Variants in DPP10 observed in about 807,000 individuals in gnomAD.
DPP10 encodes dipeptidyl peptidase like 10.
In DPP10, 33 loss-of-function variants were observed where a neutral mutation model predicts 120.9. The ratio of observed to expected loss-of-function variants is 0.27; its 90% CI spans 0.21 to 0.37. DPP10 has a LOEUF of 0.37. Among genes scored for constraint, DPP10 ranks in the 10% least tolerant of loss-of-function variants. DPP10 has a pLI of 1.00. For missense variants in DPP10, 816 were observed against 942.8 expected (o/e 0.87, Z 1.76); for synonymous variants, 337 against 326.1 (o/e 1.03, Z -0.36).
In DPP10 at chr2:114,531,543, A is replaced by G. The variant is rs188973797; in HGVS notation, c.60+88705A>G. On this transcript the variant is annotated intron_variant, in intron 1 of 25. Transcript: ENST00000410059. The stretch of plus-strand genomic sequence containing the variant: ...ATATATATTTATATGTTACAGATAA[A>G]ATGAATACATATATATGTATTCATA... Among the ~76,000 whole-genome samples the G allele has an allele frequency of 1.0e-4, 13 of 128,618 alleles. No homozygotes were observed. In the Admixed American group the frequency reaches 1.1e-3, roughly 11 times the overall value. The allele number at this position is 128,618 out of a possible 152,430, so 84.4% of individuals were successfully genotyped here. A position where few individuals can be genotyped will look rare whatever the true frequency, so the allele number is the denominator to read the frequency against.
At chr2:115,657,656 G>A (rs76834517) in intron 5 of DPP10, among the ~76,000 whole-genome samples, 2,274 of 151,758 alleles carry the variant, frequency 0.015, 35 homozygotes, top group South Asian at 0.056. Context: ...AGAAAAAAAA[G>A]CGTAGAAGTT....
At chr2:114,458,089 C>T (rs563351161) in intron 1 of DPP10, among the ~76,000 whole-genome samples, 2 of 152,150 alleles carry the variant, frequency 1.3e-5, no homozygotes, top group East Asian at 3.9e-4. Flanking sequence ...CTCAAAAAGA[C>T]CATTTCATCA....
At chr2:114,727,139 G>A (rs1258135704) in intron 1 of DPP10, among the ~76,000 whole-genome samples, 1 of 152,122 alleles carries the variant, frequency 6.6e-6, no homozygotes, top group Admixed American at 6.6e-5. Context: ...TGTTGGCCTG[G>A]AGCTTGATTT....
At chr2:115,532,546 G>A (rs1040887156) in intron 5 of DPP10, among the ~76,000 whole-genome samples, 1 of 151,922 alleles carries the variant, frequency 6.6e-6, no homozygotes, top group Non-Finnish European at 1.5e-5. Context: ...AACAATATAT[G>A]ATTTTCAATA....
intron 1 of DPP10, among the ~76,000 whole-genome samples, chr2:115,242,911 T>C (rs1247407013): frequency 1.3e-5 from 2 of 152,198 alleles, no homozygotes; most frequent in Non-Finnish European, 2.9e-5. Flanking sequence ...AGCTTGAAAG[T>C]ATTTAATGGA....
At chr2:115,374,974 A>T (rs1332090726) in intron 3 of DPP10, among the ~76,000 whole-genome samples, 1 of 152,096 alleles carries the variant, frequency 6.6e-6, no homozygotes, top group Non-Finnish European at 1.5e-5. Context: ...TGCCCTGAAG[A>T]CATTTTTCTC....
At chr2:115,829,449 G>T (rs1469894822) in intron 21 of DPP10, among the ~76,000 whole-genome samples, 2 of 151,770 alleles carry the variant, frequency 1.3e-5, no homozygotes, top group East Asian at 3.9e-4. Flanking sequence ...ATTTTTAAAA[G>T]AATTTTCACT....
chr2:115,312,025 G>C (rs761115599), intron 2 of DPP10, among the ~76,000 whole-genome samples: 21 of 151,902 alleles, frequency 1.4e-4, no homozygotes, highest in Non-Finnish European at 2.5e-4. Flanking sequence ...CAAAGTGCTG[G>C]GATTACAATC....
chr2:115,526,951 G>T (rs1304070933), intron 5 of DPP10, among the ~76,000 whole-genome samples: 3 of 152,026 alleles, frequency 2.0e-5, no homozygotes, highest in Non-Finnish European at 4.4e-5. Flanking sequence ...CTTATCTTTT[G>T]CTTTGAGTTA....
chr2:115,132,493 G>A (rs72837518), intron 1 of DPP10, among the ~76,000 whole-genome samples: 4,723 of 152,110 alleles, frequency 0.031, 121 homozygotes, highest in Non-Finnish European at 0.049. Flanking sequence ...TATTTCCTTC[G>A]GGATGTGCTT....
intron 1 of DPP10, among the ~76,000 whole-genome samples, chr2:115,093,874 G>A (rs923308523): frequency 2.0e-5 from 3 of 152,026 alleles, no homozygotes; most frequent in Non-Finnish European, 4.4e-5. Context: ...GCACATGTGT[G>A]AACCACTTTA....
intron 1 of DPP10, among the ~76,000 whole-genome samples, chr2:114,705,052 T>C (rs763331698): frequency 5.3e-5 from 8 of 152,096 alleles, no homozygotes; most frequent in Non-Finnish European, 8.8e-5. Context: ...TCTTGAAAAA[T>C]GTAATTTATG....
intron 3 of DPP10, among the ~76,000 whole-genome samples, chr2:115,346,481 T>C (rs549096368): frequency 9.9e-5 from 15 of 152,134 alleles, no homozygotes; most frequent in South Asian, 6.2e-4. Context: ...TTCATTATGC[T>C]TGGTCTCAAA....
In DPP10 at chr2:114,925,061, AT is replaced by A. The variant is rs1215023494; in HGVS notation, c.61-384176del. Among the ~76,000 whole-genome samples, 6 of 152,142 alleles carry A rather than the reference AT, an allele frequency of 3.9e-5. No individual in the cohort carries two copies. The East Asian group carries it at 1.2e-3, about 30-fold the overall frequency. ...CCCGTCTCTACTAAAAATACAAAAA[AT>A]TATCTGGGCATAGTGGCGGGTGCCT... On this transcript the variant is annotated intron_variant, in intron 1 of 25. Coordinates refer to ENST00000410059, the MANE Select transcript of DPP10 (RefSeq NM_020868.6).
chr2:114,498,924 TAAAGA>T lies in DPP10; in HGVS notation c.60+56090_60+56094del, dbSNP rs1682912345. On this transcript the variant is annotated intron_variant, in intron 1 of 25. Coordinates refer to ENST00000410059, the MANE Select transcript of DPP10 (RefSeq NM_020868.6). ...AAGTGTCCATCAATGGATGAATGGA[TAAAGA>T]AAATGTGTTATACATATGCAATGGA... Among the ~76,000 whole-genome samples, 5 of 152,276 alleles carry T rather than the reference TAAAGA, an allele frequency of 3.3e-5. No individual in the cohort carries two copies. The South Asian group carries it at 1.0e-3, about 32-fold the overall frequency.
intron 1 of DPP10, among the ~76,000 whole-genome samples, chr2:114,953,591 G>A (rs1697958523): frequency 6.6e-6 from 1 of 151,934 alleles, no homozygotes; most frequent in Non-Finnish European, 1.5e-5. Flanking sequence ...AGGTCTCCAC[G>A]TGCCTACTCC....
chr2:115,421,630 T>C (rs1343143348), intron 3 of DPP10, among the ~76,000 whole-genome samples: 3 of 152,038 alleles, frequency 2.0e-5, no homozygotes, highest in Non-Finnish European at 4.4e-5. Flanking sequence ...TCCAGCACTT[T>C]GAGAAGCCGA....
intron 1 of DPP10, among the ~76,000 whole-genome samples, chr2:114,801,924 A>G (rs984594044): frequency 1.2e-4 from 18 of 151,830 alleles, no homozygotes; most frequent in Admixed American, 6.5e-4. Context: ...TGTGGACTCA[A>G]CTTATCAGTT....
chr2:114,858,573 A>C (rs1224221163), intron 1 of DPP10, among the ~76,000 whole-genome samples: 1 of 152,230 alleles, frequency 6.6e-6, no homozygotes, highest in Non-Finnish European at 1.5e-5. Flanking sequence ...GAGCTTTGTA[A>C]AAATGGCAAT....
Sources: gnomAD v4.1 joint callset for allele counts (sites outside exome capture counted in the v4.1 genomes callset) on GRCh38, gnomAD v4.1.1 for gene constraint, MANE v1.5 for transcripts, NCBI Gene and HGNC (gene_info 2026-07-23, HGNC 2026-07-21) for gene names.